Variants in ANO9 observed in about 807,000 individuals in gnomAD.
The protein encoded by ANO9 is anoctamin 9.
A neutral mutation model predicts 100.5 loss-of-function variants in ANO9; 80 were observed. The observed-to-expected ratio is 0.80, with a 90% CI of 0.66 to 0.96. The LOEUF (loss-of-function observed/expected upper bound fraction) is 0.96. Ranked by LOEUF, ANO9 falls within the 40% of genes least tolerant of loss-of-function variation. The pLI is 0.00. For missense variants in ANO9, 1,064 were observed against 1,072.7 expected (o/e 0.99, Z 0.11); for synonymous variants, 473 against 435.6 (o/e 1.09, Z -1.07).
intron 1 of ANO9, among the ~76,000 whole-genome samples, chr11:439,437 G>T (rs1269637951): frequency 2.0e-5 from 3 of 152,352 alleles, no homozygotes; most frequent in Middle Eastern, 3.4e-3. Context: ...GGAGATGGTT[G>T]TGCAGATATG....
At chr11:429,870 G>A in intron 9 of ANO9, 52 bp from the exon 10 acceptor site, 1 of 1,503,734 alleles carries the variant, frequency 6.7e-7, no homozygotes, top group Non-Finnish European at 9.0e-7. Context: ...TGGGGAGGGG[G>A]GCAGGTGAGC....
Position 418,645 on chromosome 11 carries a change from G to A in ANO9, c.2131-56C>T, listed in dbSNP as rs1217828947. The stretch of plus-strand genomic sequence containing the variant: ...GTCAGGTGCCAGCTGGCATTTGGGG[G>A]TTCAGGGCCGGGGAGAAGGACTGGG... On this transcript the variant is annotated intron_variant, in intron 22 of 22. Transcript: ENST00000332826. The A allele has an allele frequency of 6.2e-6, 10 of 1,610,658 alleles. No homozygotes were observed. In the Admixed American group the frequency reaches 1.0e-4, roughly 16 times the overall value.
rs746663182 is a variant in ANO9, at chr11:431,833, CA to C, written c.465+14del. The C allele has an allele frequency of 6.2e-7, 1 of 1,611,148 alleles. No individual in the cohort carries two copies. The highest frequency in any genetic ancestry group is 1.1e-5 in the South Asian group (1 of 91,016). On this transcript the variant is annotated intron_variant, in intron 6 of 22. Coordinates refer to ENST00000332826, the MANE Select transcript of ANO9 (RefSeq NM_001012302.3). ...TCCCACCCCAGGGCCCTCTCCAGGC[CA>C]GCCCACCCCTCACCTTGTGCAGGGG...
rs748786456 is a variant in ANO9 at position 433,822 on chromosome 11, T to C, written c.197A>G (p.His66Arg). 3 of 1,561,006 alleles carry C rather than the reference T, an allele frequency of 1.9e-6. No individual in the cohort carries two copies. The East Asian group carries it at 7.1e-5, about 37-fold the overall frequency. Residue 66 changes from histidine (H) to arginine (R), a missense_variant, in exon 3 of 23, where the codon CAC (histidine) becomes CGC (arginine). Transcript: ENST00000332826. ...FLEELRRKGFHIKVIRDQKQV... is the reference protein window; with the variant it reads ...FLEELRRKGFRIKVIRDQKQV... Reference sequence around the variant, plus strand: ...CGCTGGGCACCCGCCCACCTTAATGTGGAAGCCCTTTCTCCTGAGCTCCTC... The same window carrying C: ...CGCTGGGCACCCGCCCACCTTAATGCGGAAGCCCTTTCTCCTGAGCTCCTC...
chr11:421,134 G>A lies in ANO9; in HGVS notation c.1392+7C>T. The A allele has an allele frequency of 6.4e-7, 1 of 1,569,970 alleles. No homozygotes were observed. The highest frequency in any genetic ancestry group is 8.7e-7 in the Non-Finnish European group (1 of 1,152,954). Reference sequence around the variant, plus strand: ...GGGACAGGGCATGAAGCCTGGGGGTGACTGACCTCTTCCAGCTTCCACAAG... The same window carrying A: ...GGGACAGGGCATGAAGCCTGGGGGTAACTGACCTCTTCCAGCTTCCACAAG... On this transcript the variant is annotated splice_region_variant and intron_variant, in intron 16 of 22. Transcript: ENST00000332826. This position sits in a 1 kb window ranked among gnomAD's most constrained non-coding sequence, Gnocchi z 6.8.
intron 1 of ANO9, among the ~76,000 whole-genome samples, chr11:439,206 T>C (rs1845638013): frequency 6.6e-6 from 1 of 152,214 alleles, no homozygotes; most frequent in Non-Finnish European, 1.5e-5. Flanking sequence ...CACCCAGTAC[T>C]CCAGGGCCCC....
At chr11:424,805 G>C (rs1848397065) in intron 15 of ANO9, among the ~76,000 whole-genome samples, 1 of 152,154 alleles carries the variant, frequency 6.6e-6, no homozygotes, top group Non-Finnish European at 1.5e-5. Context: ...AAAAAATAAA[G>C]AGGAAACAAA....
At chr11:419,313 A>C (rs1298655600) in intron 20 of ANO9, 1 of 1,408,234 alleles carries the variant, frequency 7.1e-7, no homozygotes. Context: ...ATCGGGAGGG[A>C]GCCGTTCTGG....
Position 429,754 on chromosome 11 carries a change from T to C in ANO9, c.832+4A>G. 3 of 1,611,354 alleles carry C rather than the reference T, an allele frequency of 1.9e-6. No homozygotes were observed. The highest frequency in any genetic ancestry group is 2.5e-6 in the Non-Finnish European group (3 of 1,179,018). On this transcript the variant is annotated splice_donor_region_variant and intron_variant, in intron 10 of 22. Transcript: ENST00000332826. ...CCCCGCAGAGGCGTCCCGCAGCAAC[T>C]CACCCCAGAGAGCCATGAAGATGGC...
chr11:435,266 C>CTAGTT (rs1849372918), intron 1 of ANO9, among the ~76,000 whole-genome samples: 1 of 95,996 alleles, frequency 1.0e-5, no homozygotes, highest in African/African-American at 4.4e-5. Context: ...ATGGTATAGT[C>CTAGTT]TAGTCTAGTC....
chr11:419,950 G>A (rs1162641552), intron 19 of ANO9: 2 of 1,407,304 alleles, frequency 1.4e-6, no homozygotes, highest in Non-Finnish European at 1.8e-6. Context: ...AGGAACCTGG[G>A]AATCCTCATC....
rs540244668 is a variant in ANO9 at position 428,518 on chromosome 11, G to A, written c.1142C>T (p.Thr381Ile). 4 of 1,612,656 alleles carry A rather than the reference G, an allele frequency of 2.5e-6. No homozygotes were observed. The highest frequency in any genetic ancestry group is 1.7e-5 in the Admixed American group (1 of 60,024). ...EEQVTTAVVV[T>I]GALVHYVTII... ...GGTCACATAGTGCACCAGAGCCCCG[G>A]TCACCACCACGGCCGTGGTCACCTG... Residue 381 changes from threonine (T) to isoleucine (I), a missense_variant, in exon 13 of 23, where the codon ACC becomes ATC. By Grantham distance (89) the Thr-to-Ile change is moderately conservative. Coordinates refer to ENST00000332826, the MANE Select transcript of ANO9 (RefSeq NM_001012302.3).
At chr11:423,573 T>C (rs1035273741) in intron 15 of ANO9, among the ~76,000 whole-genome samples, 1 of 152,022 alleles carries the variant, frequency 6.6e-6, no homozygotes, top group Non-Finnish European at 1.5e-5. Context: ...AATGGTGAGA[T>C]TATGGCTCAC....
chr11:424,204 C>CT (rs1420896717), intron 15 of ANO9, among the ~76,000 whole-genome samples: 3 of 152,300 alleles, frequency 2.0e-5, no homozygotes, highest in Admixed American at 2.0e-4. Flanking sequence ...CACAGTTGAA[C>CT]ATATTTATTA....
chr11:433,041 G>C (rs902210164), intron 4 of ANO9: 6 of 461,778 alleles, frequency 1.3e-5, no homozygotes, highest in African/African-American at 1.0e-4. Flanking sequence ...AACCCCTAAG[G>C]CTGGCTGTGA....
At chr11:439,141 G>A (rs1734969755) in intron 1 of ANO9, among the ~76,000 whole-genome samples, 2 of 152,206 alleles carry the variant, frequency 1.3e-5, no homozygotes, top group Admixed American at 6.5e-5. Flanking sequence ...AAGGTGGACA[G>A]AACCACACAC....
Position 432,009 on chromosome 11 carries a change from G to A in ANO9, c.396C>T (p.Thr132=). 6.2e-7 allele frequency: 1 copy of A among 1,613,092 alleles called. No homozygotes were observed. The highest frequency in any genetic ancestry group is 2.2e-5 in the East Asian group (1 of 44,874). ...IVNFVVMNNK[T]SAGETFEDLM... ...CACCCCTGCCCTTACCACCAGCCGA[G>A]GTCTTGTTGTTCATGACAACGAAGT... is the stretch of plus-strand genomic sequence containing the variant. The change falls in exon 5 of 23, where the codon ACC becomes ACT. Residue 132 remains threonine (T), a synonymous_variant. Transcript: ENST00000332826. This position sits in a 1 kb window ranked among gnomAD's most constrained non-coding sequence, Gnocchi z 4.8.
Position 430,063 on chromosome 11 carries a change from T to C in ANO9, c.771+20A>G, listed in dbSNP as rs745440616. The C allele has an allele frequency of 7.8e-6, 12 of 1,548,022 alleles. No individual in the cohort carries two copies. The highest frequency in any genetic ancestry group is 9.6e-6 in the Non-Finnish European group (11 of 1,146,244). On this transcript the variant is annotated intron_variant, in intron 9 of 22. Coordinates refer to ENST00000332826, the MANE Select transcript of ANO9 (RefSeq NM_001012302.3). ...TTCCCATCTTCCGCAGGCCCTGGGG[T>C]GGACCCGGAGGCGACAAACCTTGGC...
In ANO9 at chr11:441,972, G is replaced by A; in HGVS notation, c.-46C>T. 3 of 1,598,000 alleles carry A rather than the reference G, an allele frequency of 1.9e-6. No individual in the cohort carries two copies. Among genetic ancestry groups the A allele is most frequent in the African/African-American group, 1.3e-5 (1 of 74,976 alleles). On this transcript the variant is annotated 5_prime_UTR_variant, in exon 1 of 23. Transcript: ENST00000332826. ...CAGCTGGGGTTTGGCGGCCAGGAGA[G>A]TGGCTGCCAGCGGCGGGTGCTCCTA...
Sources: gnomAD v4.1 joint callset for allele counts (sites outside exome capture counted in the v4.1 genomes callset) on GRCh38, gnomAD v4.1.1 for gene constraint, Gnocchi (gnomAD v3.1) non-coding constraint, MANE v1.5 for transcripts, NCBI Gene and HGNC (gene_info 2026-07-23, HGNC 2026-07-21) for gene names.